The following PRAG1 variants were observed in gnomAD, a reference collection of about 807,000 sequenced individuals.
PRAG1 encodes the protein inactive tyrosine-protein kinase PRAG1.
PRAG1 carries 110 observed loss-of-function variants against 95.6 expected under a neutral mutation model. The ratio of observed to expected loss-of-function variants is 1.15; its 90% CI spans 0.99 to 1.35. PRAG1 has a LOEUF of 1.35. Ranked by LOEUF, PRAG1 falls within the 40% of genes most tolerant of loss-of-function variation. The pLI is 0.00. For missense variants in PRAG1, 2,554 were observed against 1,864.7 expected, an observed-to-expected ratio of 1.37 and a Z score of -6.81; for synonymous variants, 1,052 against 819.4, an observed-to-expected ratio of 1.28 and a Z score of -4.85.
chr8:8,353,782 G>A (rs980513477), intron 3 of PRAG1, among the ~76,000 whole-genome samples: 1 of 152,078 alleles, frequency 6.6e-6, no homozygotes, highest in Non-Finnish European at 1.5e-5. Context: ...ACTCTAGCCT[G>A]AGTGACAGAG....
chr8:8,368,065 T>C (rs1221390937), intron 3 of PRAG1, among the ~76,000 whole-genome samples: 1 of 152,236 alleles, frequency 6.6e-6, no homozygotes, highest in Admixed American at 6.5e-5. Context: ...AGCTATTTGT[T>C]TAGGTTTTAG....
Position 8,318,623 on chromosome 8 carries a change from T to G in PRAG1, c.3752A>C (p.Lys1251Thr). The part of the protein sequence containing the change: ...PEIVSASQYR[K>T]FDEFQTGILI... ...GATGCCTGTCTGGAACTCATCGAAC[T>G]TGCGGTACTGGGAAGCAGACACGAT... The change falls in exon 6 of 6, where the codon AAG (lysine) becomes ACG (threonine). Residue 1251 changes from lysine to threonine, a missense_variant. Transcript: ENST00000615670. This position sits in a 1 kb window ranked among gnomAD's most constrained non-coding sequence, Gnocchi z 4.2. 6.2e-7 allele frequency: 1 copy of G among 1,612,414 alleles called. No individual in the cohort carries two copies. The highest frequency in any genetic ancestry group is 2.2e-5 in the East Asian group (1 of 44,764).
chr8:8,360,965 C>T (rs925976318), intron 3 of PRAG1, among the ~76,000 whole-genome samples: 9 of 152,138 alleles, frequency 5.9e-5, no homozygotes, highest in Admixed American at 1.3e-4. Context: ...ATTGCCATAG[C>T]GGCTCTGTGG....
intron 3 of PRAG1, among the ~76,000 whole-genome samples, chr8:8,362,275 G>A (rs1471728432): frequency 6.6e-6 from 1 of 152,168 alleles, no homozygotes; most frequent in Non-Finnish European, 1.5e-5. Flanking sequence ...CGTCCAGCAG[G>A]ACTTGTCACC....
At chr8:8,319,892 G>C (rs192233432) in intron 5 of PRAG1, among the ~76,000 whole-genome samples, 205 of 152,360 alleles carry the variant, frequency 1.3e-3, no homozygotes, top group African/African-American at 4.6e-3. Context: ...ACCACAGTGA[G>C]ATATCAGTTC....
intron 3 of PRAG1, among the ~76,000 whole-genome samples, chr8:8,355,598 G>A (rs1376290197): frequency 2.0e-5 from 3 of 152,220 alleles, no homozygotes; most frequent in East Asian, 1.9e-4. Context: ...CAATAAAACA[G>A]AATACAGAGC....
chr8:8,371,355 G>A (rs1484946745), intron 3 of PRAG1, among the ~76,000 whole-genome samples: 4 of 151,652 alleles, frequency 2.6e-5, no homozygotes, highest in Non-Finnish European at 4.4e-5. Flanking sequence ...CCGCCTCCCG[G>A]GTTCACGTCA....
intron 3 of PRAG1, among the ~76,000 whole-genome samples, chr8:8,346,130 G>A (rs1484400757): frequency 3.3e-5 from 5 of 152,120 alleles, no homozygotes; most frequent in African/African-American, 4.8e-5. Flanking sequence ...TACTCAATGC[G>A]GTATAACAAG....
At chr8:8,351,577 A>G (rs1799523730) in intron 3 of PRAG1, among the ~76,000 whole-genome samples, 1 of 152,230 alleles carries the variant, frequency 6.6e-6, no homozygotes, top group Non-Finnish European at 1.5e-5. Flanking sequence ...TTATTCTAAA[A>G]TCATGAGAAA....
chr8:8,335,581 T>C (rs866637666), intron 4 of PRAG1, among the ~76,000 whole-genome samples: 7 of 152,224 alleles, frequency 4.6e-5, no homozygotes, highest in Non-Finnish European at 8.8e-5. Flanking sequence ...GGAACAATAA[T>C]ATATTATTTA....
At chr8:8,383,192 C>T (rs1258101228) in intron 1 of PRAG1, among the ~76,000 whole-genome samples, 1 of 152,134 alleles carries the variant, frequency 6.6e-6, no homozygotes, top group African/African-American at 2.4e-5. Flanking sequence ...GTGGGAAGTG[C>T]TCTCTTTTAT....
Position 8,328,010 on chromosome 8 carries a change from G to A in PRAG1, c.2772C>T (p.Ser924=), listed in dbSNP as rs201279150. ...TCCCGGTGGAGGCTTGACTGGACAC[G>A]CTCAGCTGGGAGGATGAGGCGGAGG... ...GAPSASSSQL[S]VSSQASTGST... Residue 924 remains serine, a synonymous_variant, in exon 5 of 6, where the codon AGC becomes AGT. Coordinates refer to ENST00000615670, the MANE Select transcript of PRAG1 (RefSeq NM_001080826.3). The A allele has an allele frequency of 5.6e-5, 89 of 1,586,862 alleles. No individual in the cohort carries two copies. Among genetic ancestry groups the A allele is most frequent in the South Asian group, 2.1e-4 (18 of 86,252 alleles).
At chr8:8,365,313 C>T (rs541607141) in intron 3 of PRAG1, among the ~76,000 whole-genome samples, 6 of 152,268 alleles carry the variant, frequency 3.9e-5, no homozygotes, top group Admixed American at 3.9e-4. Flanking sequence ...CCTCACTCCC[C>T]AATCCTGGGC....
chr8:8,367,138 T>C (rs1157756055), intron 3 of PRAG1, among the ~76,000 whole-genome samples: 2 of 152,112 alleles, frequency 1.3e-5, no homozygotes, highest in Admixed American at 6.5e-5. Flanking sequence ...AGAATTGGCA[T>C]GGAGGATGCA....
intron 3 of PRAG1, among the ~76,000 whole-genome samples, chr8:8,364,841 C>G (rs1316187544): frequency 2.0e-5 from 3 of 152,096 alleles, no homozygotes; most frequent in Admixed American, 2.0e-4. Flanking sequence ...TAAGGATCTT[C>G]TCTATTCTAC....
chr8:8,375,902 T>C (rs1182810420), intron 3 of PRAG1, among the ~76,000 whole-genome samples: 1 of 151,986 alleles, frequency 6.6e-6, no homozygotes, highest in Admixed American at 6.6e-5. Flanking sequence ...CAGGACTTCC[T>C]GGAAAAAAGC....
chr8:8,371,511 G>C (rs1368223811), intron 3 of PRAG1, among the ~76,000 whole-genome samples: 1 of 151,934 alleles, frequency 6.6e-6, no homozygotes, highest in Non-Finnish European at 1.5e-5. Context: ...CACCCGCCTT[G>C]GCCTACCAAA....
chr8:8,360,256 T>A (rs541774660), intron 3 of PRAG1, among the ~76,000 whole-genome samples: 1 of 152,270 alleles, frequency 6.6e-6, no homozygotes, highest in Admixed American at 6.5e-5. Context: ...GCCTCCCACA[T>A]CTGTAACATC....
In PRAG1 at chr8:8,377,806, G is replaced by T; in HGVS notation, c.603C>A (p.Pro201=). The change falls in exon 3 of 6, where the codon CCC becomes CCA. Residue 201 remains proline (P), a synonymous_variant. Coordinates refer to ENST00000615670, the MANE Select transcript of PRAG1 (RefSeq NM_001080826.3). ...EKPSFPYQDR[P]STQESFRQKL... ...TCTGGCGGAAGCTCTCCTGGGTGGA[G>T]GGCCGGTCTTGGTAAGGAAATGAGG... 6.2e-7 allele frequency: 1 copy of T among 1,614,174 alleles called. No homozygotes were observed. Among genetic ancestry groups the T allele is most frequent in the Non-Finnish European group, 8.5e-7 (1 of 1,180,048 alleles).
Sources: allele counts gnomAD v4.1 joint callset (sites outside exome capture counted in the v4.1 genomes callset), GRCh38; gene constraint gnomAD v4.1.1; non-coding constraint Gnocchi (gnomAD v3.1); transcripts MANE v1.5; gene names NCBI Gene and HGNC (gene_info 2026-07-23, HGNC 2026-07-21).